ACADL: variants seen among roughly 807,000 people sequenced by gnomAD.
ACADL encodes the protein long-chain specific acyl-CoA dehydrogenase, mitochondrial.
In ACADL, 60 loss-of-function variants were observed where a neutral mutation model predicts 56.9. The observed-to-expected ratio is 1.05, with a 90% CI of 0.86 to 1.31. The LOEUF (loss-of-function observed/expected upper bound fraction) is 1.31. ACADL is among the 50% of genes most tolerant of loss of function. The probability of loss-of-function intolerance (pLI) is 0.00; values close to 1 mark genes in which losing one functional copy is unlikely to be tolerated. For missense variants in ACADL, 484 were observed against 525.5 expected (o/e 0.92, Z 0.77); for synonymous variants, 158 against 179.7 (o/e 0.88, Z 0.97).
At chr2:210,209,427 G>C (rs1688943737) in intron 5 of ACADL, among the ~76,000 whole-genome samples, 2 of 152,056 alleles carry the variant, frequency 1.3e-5, no homozygotes, top group African/African-American at 2.4e-5. Context: ...AACCTTAATT[G>C]GAAGCGCTCT....
chr2:210,214,449 C>T (rs1411704111), intron 4 of ACADL, among the ~76,000 whole-genome samples: 1 of 17,952 alleles, frequency 5.6e-5, no homozygotes, highest in Non-Finnish European at 1.9e-4. Flanking sequence ...CCTCTCATGA[C>T]TTTCAATGAC....
At chr2:210,199,388 A>T (rs1688759155) in intron 8 of ACADL, among the ~76,000 whole-genome samples, 1 of 152,152 alleles carries the variant, frequency 6.6e-6, no homozygotes. Context: ...AGTTTAGGGA[A>T]CTAACTTTGA....
intron 10 of ACADL, among the ~76,000 whole-genome samples, chr2:210,190,301 C>T (rs1412618439): frequency 1.3e-5 from 2 of 151,980 alleles, no homozygotes; most frequent in Non-Finnish European, 2.9e-5. Context: ...TTTTTCTGAA[C>T]GGATTTTGCT....
intron 4 of ACADL, 63 bp from the exon 5 acceptor site, chr2:210,210,325 A>G (rs1688958679): frequency 2.5e-6 from 3 of 1,201,424 alleles, no homozygotes; most frequent in Non-Finnish European, 3.7e-6. Flanking sequence ...TACAAATGAT[A>G]TAAGTATGTA....
chr2:210,189,027 T>G lies in ACADL; in HGVS notation c.1227A>C (p.Pro409=). 2.5e-6 allele frequency: 4 copies of G among 1,613,302 alleles called. No homozygotes were observed. The highest frequency in any genetic ancestry group is 2.5e-6 in the Non-Finnish European group (3 of 1,179,370). Residue 409 remains proline (P), a synonymous_variant, in exon 11 of 11, where the codon CCA becomes CCC. Coordinates refer to ENST00000233710, the MANE Select transcript of ACADL (RefSeq NM_001608.4). The stretch of plus-strand genomic sequence containing the variant: ...TTATTTCATTTGTACCACCATAGAT[T>G]GGCTGAACTCTGGCATCCACATAAG... ...AKAYVDARVQ[P]IYGGTNEIMK...
At chr2:210,218,132 T>C (rs1319043711) in intron 2 of ACADL, 30 bp from the exon 3 acceptor site, 2 of 1,578,030 alleles carry the variant, frequency 1.3e-6, no homozygotes, top group Admixed American at 1.7e-5. Flanking sequence ...TAAATTCAGA[T>C]AATTTTTAAA....
At chr2:210,216,989 C>T (rs1352939854) in intron 3 of ACADL, among the ~76,000 whole-genome samples, 1 of 151,758 alleles carries the variant, frequency 6.6e-6, no homozygotes, top group Non-Finnish European at 1.5e-5. Context: ...TTGTACTTTG[C>T]TATTTTCTTT....
intron 9 of ACADL, among the ~76,000 whole-genome samples, chr2:210,194,164 A>C (rs1403692799): frequency 6.6e-6 from 1 of 152,140 alleles, no homozygotes; most frequent in Non-Finnish European, 1.5e-5. Flanking sequence ...TTTTCCAAAA[A>C]TATGTAAATT....
Position 210,188,959 on chromosome 2 carries a change from G to A in ACADL, c.*2C>T, listed in dbSNP as rs1232739355. 6.2e-7 allele frequency: 1 copy of A among 1,605,758 alleles called. No individual in the cohort carries two copies. Among genetic ancestry groups the A allele is most frequent in the Admixed American group, 1.7e-5 (1 of 60,010 alleles). The stretch of plus-strand genomic sequence containing the variant: ...ATAGGACTCCAGGATGTGGGCAGAT[G>A]TCTACTTGTCAAAGACAATCTCTCT... On this transcript the variant is annotated 3_prime_UTR_variant, in exon 11 of 11. Coordinates refer to ENST00000233710, the MANE Select transcript of ACADL (RefSeq NM_001608.4).
At chr2:210,214,236 G>A (rs1689036259) in intron 4 of ACADL, among the ~76,000 whole-genome samples, 1 of 151,972 alleles carries the variant, frequency 6.6e-6, no homozygotes, top group African/African-American at 2.4e-5. Flanking sequence ...TCTGAGGGCA[G>A]GCAAAATGAA....
intron 9 of ACADL, 25 bp from the exon 10 acceptor site, chr2:210,192,915 A>G (rs753580004): frequency 1.1e-5 from 17 of 1,581,568 alleles, no homozygotes; most frequent in Non-Finnish European, 1.3e-5. Flanking sequence ...TAAAAGGCAG[A>G]AAAGAAATGT....
chr2:210,199,847 C>T (rs943069027), intron 8 of ACADL, among the ~76,000 whole-genome samples: 5 of 152,060 alleles, frequency 3.3e-5, no homozygotes, highest in African/African-American at 1.2e-4. Flanking sequence ...AGGGCTCAAG[C>T]GATCCTCCCA....
chr2:210,197,305 C>CCT (rs1411783790), intron 8 of ACADL, among the ~76,000 whole-genome samples: 1 of 152,120 alleles, frequency 6.6e-6, no homozygotes, highest in African/African-American at 2.4e-5. Flanking sequence ...TGTATTCTGG[C>CCT]CTCTAGTTCT....
intron 8 of ACADL, among the ~76,000 whole-genome samples, chr2:210,198,307 TG>T (rs1347969174): frequency 6.6e-6 from 1 of 152,182 alleles, no homozygotes; most frequent in African/African-American, 2.4e-5. Flanking sequence ...TCACATATTA[TG>T]GTTAAAATAT....
chr2:210,199,920 T>C (rs919945128), intron 8 of ACADL, among the ~76,000 whole-genome samples: 1 of 152,064 alleles, frequency 6.6e-6, no homozygotes, highest in Non-Finnish European at 1.5e-5. Context: ...AATTTTTGTA[T>C]TTTTTGTAGA....
intron 1 of ACADL, among the ~76,000 whole-genome samples, chr2:210,223,325 A>G (rs996484388): frequency 2.6e-5 from 4 of 152,224 alleles, no homozygotes; most frequent in East Asian, 1.9e-4. Flanking sequence ...ATAAACTGCA[A>G]CTAATCTTAT....
At chr2:210,189,362 T>C (rs1011394065) in intron 10 of ACADL, among the ~76,000 whole-genome samples, 9 of 152,130 alleles carry the variant, frequency 5.9e-5, no homozygotes, top group Non-Finnish European at 1.3e-4. Context: ...GATAACACTC[T>C]TAAAAAGTCT....
At chr2:210,210,548 C>T (rs187592286) in intron 4 of ACADL, among the ~76,000 whole-genome samples, 2 of 152,326 alleles carry the variant, frequency 1.3e-5, no homozygotes, top group East Asian at 1.9e-4. Context: ...CAGTGGGACT[C>T]ACATAACATT....
In ACADL at chr2:210,192,886, A is replaced by T. The variant is rs1201002236; in HGVS notation, c.1117T>A (p.Ser373Thr). 1 of 1,613,238 alleles carries T rather than the reference A, an allele frequency of 6.2e-7. No homozygotes were observed. The highest frequency in any genetic ancestry group is 8.5e-7 in the Non-Finnish European group (1 of 1,179,410). ...TAAGCTACACTATTTTGTAACTCAG[A>T]TGCCCTAAATGACCAAAATAAAAGG... ...ATACMAKYWA[S>T]ELQNSVAYDC... The change falls in exon 10 of 11, where the codon TCT (serine) becomes ACT (threonine). Residue 373 changes from serine (S) to threonine (T), a missense_variant. Physicochemically the swap from Ser to Thr is moderately conservative, Grantham distance 58 (BLOSUM62 1). Coordinates refer to ENST00000233710, the MANE Select transcript of ACADL (RefSeq NM_001608.4).
Sources: allele counts gnomAD v4.1 joint callset (sites outside exome capture counted in the v4.1 genomes callset), GRCh38; gene constraint gnomAD v4.1.1; transcripts MANE v1.5; gene names NCBI Gene and HGNC (gene_info 2026-07-23, HGNC 2026-07-21).